KCNN2: variants seen among roughly 807,000 people sequenced by gnomAD.
KCNN2 encodes potassium calcium-activated channel subfamily N member 2, also known as small conductance calcium-activated potassium channel protein 2.
A neutral mutation model predicts 55.5 loss-of-function variants in KCNN2; 24 were observed. The observed-to-expected ratio is 0.43, with a 90% CI of 0.31 to 0.61. The LOEUF (loss-of-function observed/expected upper bound fraction) is 0.61, where lower values mean the gene tolerates loss of function less well. KCNN2 is among the 20% of genes least tolerant of loss of function. The probability of loss-of-function intolerance (pLI) is 0.08; values close to 1 mark genes in which losing one functional copy is unlikely to be tolerated. For missense variants in KCNN2, 754 were observed against 853.6 expected (o/e 0.88, Z 1.45); for synonymous variants, 431 against 336.1 (o/e 1.28, Z -3.09).
Position 114,483,073 on chromosome 5 carries a change from C to G in KCNN2, c.1891-3977C>G, listed in dbSNP as rs143448873. Among the ~76,000 whole-genome samples the G allele has an allele frequency of 5.0e-4, 76 of 152,036 alleles. No individual in the cohort carries two copies. In the East Asian group the frequency reaches 0.013, roughly 27 times the overall value. On this transcript the variant is annotated intron_variant, in intron 5 of 7. Coordinates refer to ENST00000673685, the MANE Select transcript of KCNN2 (RefSeq NM_021614.4). ...AAGGAAAAAAAAAAAGTCTAGCAGC[C>G]TCAAGTGCTTTGGTGATCTGTAAAG...
At chr5:114,292,329 A>G (rs537888781) in intron 2 of KCNN2, among the ~76,000 whole-genome samples, 3 of 152,284 alleles carry the variant, frequency 2.0e-5, no homozygotes, top group African/African-American at 7.2e-5. Context: ...GTTTAGGTCT[A>G]GCATGTAAGT....
intron 2 of KCNN2, among the ~76,000 whole-genome samples, chr5:114,336,938 G>A (rs572716037): frequency 1.3e-5 from 2 of 152,274 alleles, no homozygotes; most frequent in South Asian, 4.1e-4. Context: ...CTGGGCCATG[G>A]TAAGAACTTT....
chr5:114,351,306 A>G (rs1029706958), intron 2 of KCNN2, among the ~76,000 whole-genome samples: 3 of 151,700 alleles, frequency 2.0e-5, no homozygotes, highest in African/African-American at 7.2e-5. Flanking sequence ...TTGTATGTAG[A>G]AACCTGCTGA....
At chr5:114,378,780 A>G (rs1758016777) in intron 2 of KCNN2, among the ~76,000 whole-genome samples, 1 of 152,018 alleles carries the variant, frequency 6.6e-6, no homozygotes. Context: ...GTTCTGTGAC[A>G]CTGTCGGTGT....
At chr5:114,391,027 A>G (rs141928783) in intron 2 of KCNN2, among the ~76,000 whole-genome samples, 232 of 152,272 alleles carry the variant, frequency 1.5e-3, no homozygotes, top group African/African-American at 5.4e-3. Flanking sequence ...GGATAATTCT[A>G]GGATTTTTGA....
At chr5:114,342,131 G>A (rs1757028398) in intron 2 of KCNN2, among the ~76,000 whole-genome samples, 1 of 152,038 alleles carries the variant, frequency 6.6e-6, no homozygotes, top group Admixed American at 6.6e-5. Flanking sequence ...TCGATCTCCT[G>A]ACCTCGTGAT....
chr5:114,168,331 G>A (rs1002562808), intron 1 of KCNN2, among the ~76,000 whole-genome samples: 3 of 151,872 alleles, frequency 2.0e-5, no homozygotes, highest in Non-Finnish European at 4.4e-5. Context: ...CAAGTTCCCT[G>A]TCTTTAATTA....
intron 2 of KCNN2, among the ~76,000 whole-genome samples, chr5:114,349,200 G>C (rs1303982771): frequency 6.6e-6 from 1 of 152,022 alleles, no homozygotes; most frequent in Non-Finnish European, 1.5e-5. Flanking sequence ...GTCTTTTCAA[G>C]GTTCATCCGT....
Position 114,339,235 on chromosome 5 carries a change from G to T in KCNN2, c.-184-21710G>T, listed in dbSNP as rs367664554. ...GTTGTGGCCCTCTACTACCATGTTC[G>T]TGAAGGCTGAGGTCTTGTCCACACA... On this transcript the variant is annotated intron_variant, in intron 2 of 10. Coordinates refer to the KCNN2 transcript ENST00000512097. Among the ~76,000 whole-genome samples, 5 of 152,290 alleles carry T rather than the reference G, an allele frequency of 3.3e-5. No individual in the cohort carries two copies. In the South Asian group the frequency reaches 1.0e-3, roughly 32 times the overall value.
intron 1 of KCNN2, among the ~76,000 whole-genome samples, chr5:114,174,504 C>G (rs1174627564): frequency 6.6e-6 from 1 of 152,086 alleles, no homozygotes; most frequent in Non-Finnish European, 1.5e-5. Flanking sequence ...TTTCTTACTT[C>G]ACTTCTGAAC....
At chr5:114,373,430 A>T (rs1277394277) in intron 2 of KCNN2, among the ~76,000 whole-genome samples, 1 of 151,234 alleles carries the variant, frequency 6.6e-6, no homozygotes, top group East Asian at 2.0e-4. Context: ...AATTTTCTCT[A>T]AACTTTCCTG....
intron 3 of KCNN2, among the ~76,000 whole-genome samples, chr5:114,410,646 T>C (rs1759103012): frequency 6.6e-6 from 1 of 152,048 alleles, no homozygotes; most frequent in South Asian, 2.1e-4. Context: ...TTTGTAATGC[T>C]GTGTTAGGGG....
chr5:114,448,440 T>A (rs1205581809), intron 3 of KCNN2, among the ~76,000 whole-genome samples: 3 of 152,210 alleles, frequency 2.0e-5, no homozygotes, highest in Non-Finnish European at 4.4e-5. Context: ...CCTGACATTT[T>A]GGCATTGAAG....
intron 2 of KCNN2, among the ~76,000 whole-genome samples, chr5:114,298,291 C>CAG (rs1756073137): frequency 6.6e-6 from 1 of 152,228 alleles, no homozygotes; most frequent in Admixed American, 6.5e-5. Context: ...GACCAAGCTT[C>CAG]TAGTGCCTTC....
intron 1 of KCNN2, among the ~76,000 whole-genome samples, chr5:114,095,037 T>C (rs1580507296): frequency 1.3e-5 from 2 of 152,202 alleles, no homozygotes; most frequent in South Asian, 4.1e-4. Context: ...GCATGAGGCC[T>C]GATTCCAGCC....
chr5:114,395,581 T>G (rs1297532872), intron 2 of KCNN2, among the ~76,000 whole-genome samples: 2 of 152,228 alleles, frequency 1.3e-5, no homozygotes, highest in Non-Finnish European at 2.9e-5. Context: ...TATATATTGT[T>G]AAGATTATAT....
chr5:114,256,618 G>A (rs540364909), intron 2 of KCNN2, among the ~76,000 whole-genome samples: 1 of 152,064 alleles, frequency 6.6e-6, no homozygotes, highest in East Asian at 1.9e-4. Flanking sequence ...ATTTCTGTAA[G>A]GATTAGTGAT....
At chr5:114,453,103 A>G (rs1052868908) in intron 3 of KCNN2, among the ~76,000 whole-genome samples, 2 of 152,090 alleles carry the variant, frequency 1.3e-5, no homozygotes, top group Non-Finnish European at 2.9e-5. Context: ...TGGGCTTTCT[A>G]ATGTTCTGCT....
rs529693461 is a variant in KCNN2 at position 114,294,376 on chromosome 5, G to A, written c.-184-66569G>A. Among the ~76,000 whole-genome samples the A allele has an allele frequency of 2.6e-3, 398 of 152,118 alleles. 4 individuals carry two copies. Among genetic ancestry groups the A allele is most frequent in the African/African-American group, 9.3e-3 (384 of 41,482 alleles). ...CACACTGCTTTGAATGTGTCCCAGAGATTCTGGTATGTTGTGTCTTTGTTC... is the reference window on the plus strand; with the variant it reads ...CACACTGCTTTGAATGTGTCCCAGAAATTCTGGTATGTTGTGTCTTTGTTC... On this transcript the variant is annotated intron_variant, in intron 2 of 10. Transcript: ENST00000512097.
Sources: gnomAD v4.1 joint callset for allele counts (sites outside exome capture counted in the v4.1 genomes callset) on GRCh38, gnomAD v4.1.1 for gene constraint, MANE v1.5 for transcripts, NCBI Gene and HGNC (gene_info 2026-07-23, HGNC 2026-07-21) for gene names.